GALNT13: variants seen among roughly 807,000 people sequenced by gnomAD.
GALNT13 encodes the protein UDP-GalNAc:polypeptide N-acetylgalactosaminyltransferase 13.
In GALNT13, 28 loss-of-function variants were observed where a neutral mutation model predicts 64.2. The ratio of observed to expected loss-of-function variants is 0.44; its 90% CI spans 0.32 to 0.60. The LOEUF (loss-of-function observed/expected upper bound fraction) is 0.60, where lower values mean the gene tolerates loss of function less well. Ranked by LOEUF, GALNT13 falls within the 20% of genes least tolerant of loss-of-function variation. GALNT13 has a pLI of 0.05. For missense variants in GALNT13, 577 were observed against 669.8 expected (o/e 0.86, Z 1.53); for synonymous variants, 214 against 224.6 (o/e 0.95, Z 0.42).
chr2:153,150,967 G>A, the GALNT13 span, among the ~76,000 whole-genome samples: 1 of 151,930 alleles, frequency 6.6e-6, no homozygotes, highest in Admixed American at 6.6e-5. Flanking sequence ...CTCTTTTTTG[G>A]TTCCATATGA....
chr2:153,627,485 T>C, the GALNT13 span, among the ~76,000 whole-genome samples: 1 of 152,118 alleles, frequency 6.6e-6, no homozygotes, highest in African/African-American at 2.4e-5. Flanking sequence ...ATGATTTATT[T>C]AATTGCTATA....
the GALNT13 span, among the ~76,000 whole-genome samples, chr2:153,824,936 G>A: frequency 3.9e-5 from 6 of 152,014 alleles, no homozygotes; most frequent in Non-Finnish European, 7.4e-5. Flanking sequence ...CATGCCTTCC[G>A]TACACCCTGT....
chr2:153,327,624 C>T, the GALNT13 span, among the ~76,000 whole-genome samples: 1 of 151,792 alleles, frequency 6.6e-6, no homozygotes, highest in African/African-American at 2.4e-5. Context: ...AGTTCTCATG[C>T]TGTGTTTTTC....
chr2:153,613,115 G>T, the GALNT13 span, among the ~76,000 whole-genome samples: 10 of 152,202 alleles, frequency 6.6e-5, no homozygotes, highest in African/African-American at 2.4e-4. Flanking sequence ...TTTACTTGTA[G>T]CTGAAAGCAC....
chr2:153,673,719 A>G, the GALNT13 span, among the ~76,000 whole-genome samples: 2 of 152,152 alleles, frequency 1.3e-5, no homozygotes, highest in East Asian at 3.9e-4. Context: ...CAATCAGACA[A>G]GAGAAAGAAA....
chr2:154,194,216 TA>T (rs1280437409), intron 4 of GALNT13, among the ~76,000 whole-genome samples: 1 of 152,192 alleles, frequency 6.6e-6, no homozygotes, highest in Non-Finnish European at 1.5e-5. Context: ...AAGAAGATAT[TA>T]TAATTCTAAT....
chr2:153,478,387 G>A, the GALNT13 span: 1 of 1,614,170 alleles, frequency 6.2e-7, no homozygotes, highest in Non-Finnish European at 8.5e-7. Flanking sequence ...GCACATGACC[G>A]CGATCTGCAC....
chr2:154,176,641 A>G (rs1254784950), intron 4 of GALNT13, among the ~76,000 whole-genome samples: 3 of 152,140 alleles, frequency 2.0e-5, no homozygotes, highest in African/African-American at 7.2e-5. Context: ...TATGGTACAT[A>G]TTTATTATGG....
the GALNT13 span, among the ~76,000 whole-genome samples, chr2:153,765,184 C>T: frequency 6.6e-6 from 1 of 152,192 alleles, no homozygotes; most frequent in Non-Finnish European, 1.5e-5. Flanking sequence ...GTCCTCCAGA[C>T]CCCAGAATGG....
chr2:153,718,173 T>C, the GALNT13 span, among the ~76,000 whole-genome samples: 3 of 152,106 alleles, frequency 2.0e-5, no homozygotes, highest in African/African-American at 7.2e-5. Context: ...TCATTGTTAC[T>C]ATTAGAACAC....
intron 4 of GALNT13, among the ~76,000 whole-genome samples, chr2:154,179,178 A>G (rs1384659061): frequency 1.3e-5 from 2 of 152,258 alleles, no homozygotes; most frequent in African/African-American, 2.4e-5. Flanking sequence ...AGTAGTAACC[A>G]TTACCAGAAC....
chr2:154,182,669 A>T (rs897977787), intron 4 of GALNT13, among the ~76,000 whole-genome samples: 1 of 148,412 alleles, frequency 6.7e-6, no homozygotes, highest in Non-Finnish European at 1.5e-5. Context: ...TATTATATTT[A>T]TATAATATAG....
At chr2:153,311,390 G>T in the GALNT13 span, among the ~76,000 whole-genome samples, 2 of 152,164 alleles carry the variant, frequency 1.3e-5, no homozygotes, top group African/African-American at 4.8e-5. Context: ...TGCATGTTAA[G>T]AAAGTGTATC....
At chr2:153,324,986 C>A in the GALNT13 span, among the ~76,000 whole-genome samples, 1 of 152,016 alleles carries the variant, frequency 6.6e-6, no homozygotes, top group Admixed American at 6.6e-5. Flanking sequence ...AAGGATGATG[C>A]TGCTCTCATA....
chr2:154,008,921 T>C (rs1696439431), intron 3 of GALNT13, among the ~76,000 whole-genome samples: 1 of 152,222 alleles, frequency 6.6e-6, no homozygotes. Context: ...TATGTGTTTT[T>C]ATGGTAGAAC....
At chr2:153,920,745 C>G (rs1481777719) in intron 2 of GALNT13, among the ~76,000 whole-genome samples, 3 of 151,930 alleles carry the variant, frequency 2.0e-5, no homozygotes, top group Non-Finnish European at 4.4e-5. Flanking sequence ...GAACAAAGGT[C>G]AAATATCCAG....
the GALNT13 span, among the ~76,000 whole-genome samples, chr2:153,630,901 G>C: frequency 2.1e-5 from 3 of 146,308 alleles, no homozygotes; most frequent in East Asian, 6.4e-4. Flanking sequence ...ATGCTGGTGT[G>C]CTGCACCCAT....
At chr2:153,797,557 T>C in the GALNT13 span, among the ~76,000 whole-genome samples, 5 of 152,150 alleles carry the variant, frequency 3.3e-5, no homozygotes, top group South Asian at 1.0e-3. Context: ...CTATGTCACC[T>C]CTAGTCTGCA....
At chr2:153,995,020 T>A (rs1409761279) in intron 3 of GALNT13, among the ~76,000 whole-genome samples, 16 of 152,234 alleles carry the variant, frequency 1.1e-4, no homozygotes, top group Admixed American at 7.9e-4. Context: ...TCCATGACAA[T>A]ATTTTTTATC....
Sources: gnomAD v4.1 joint callset for allele counts (sites outside exome capture counted in the v4.1 genomes callset) on GRCh38, gnomAD v4.1.1 for gene constraint, MANE v1.5 for transcripts, NCBI Gene and HGNC (gene_info 2026-07-23, HGNC 2026-07-21) for gene names.